The following MDGA2 variants were observed in gnomAD, a reference collection of about 807,000 sequenced individuals.
MDGA2 encodes the protein MAM domain containing glycosylphosphatidylinositol anchor 2, also known as MAM domain-containing glycosylphosphatidylinositol anchor protein 2.
Under a neutral mutation model 117.8 loss-of-function variants are expected in MDGA2, and 40 were observed. That is an observed-to-expected ratio of 0.34 (90% CI 0.26 to 0.44). MDGA2 has a LOEUF of 0.44. Ranked by LOEUF, MDGA2 falls within the 20% of genes least tolerant of loss-of-function variation. The pLI is 1.00. For missense variants in MDGA2, 1,123 were observed against 1,250.6 expected, an observed-to-expected ratio of 0.90 and a Z score of 1.54; for synonymous variants, 452 against 439.0, an observed-to-expected ratio of 1.03 and a Z score of -0.37.
chr14:46,935,812 G>A (rs573294414), intron 9 of MDGA2, among the ~76,000 whole-genome samples: 32 of 152,032 alleles, frequency 2.1e-4, no homozygotes, highest in Admixed American at 1.5e-3. Flanking sequence ...TGCAGGGATC[G>A]GTATGGCAGA....
chr14:47,133,972 T>A (rs1315821194), intron 4 of MDGA2, among the ~76,000 whole-genome samples: 1 of 152,068 alleles, frequency 6.6e-6, no homozygotes, highest in Non-Finnish European at 1.5e-5. Flanking sequence ...TAACCAATAT[T>A]TTTTTCAGCT....
At chr14:47,608,192 T>C (rs943504750) in intron 1 of MDGA2, among the ~76,000 whole-genome samples, 1 of 152,136 alleles carries the variant, frequency 6.6e-6, no homozygotes, top group African/African-American at 2.4e-5. Context: ...ATAGCATGTA[T>C]CATTTCTCAT....
chr14:47,206,407 A>G (rs951925772), intron 3 of MDGA2, among the ~76,000 whole-genome samples: 41 of 151,932 alleles, frequency 2.7e-4, no homozygotes, highest in Non-Finnish European at 3.4e-4. Context: ...CCTGGTTAAC[A>G]GAGTGAGACC....
At chr14:47,112,138 C>T (rs919976502) in intron 5 of MDGA2, among the ~76,000 whole-genome samples, 1 of 145,784 alleles carries the variant, frequency 6.9e-6, no homozygotes, top group African/African-American at 2.6e-5. Context: ...TAAAAAAAAG[C>T]GGGAGAGGAA....
At chr14:47,145,875 T>G (rs1289482288) in intron 3 of MDGA2, among the ~76,000 whole-genome samples, 2 of 152,166 alleles carry the variant, frequency 1.3e-5, no homozygotes, top group Non-Finnish European at 2.9e-5. Flanking sequence ...CTCCTATTGA[T>G]TCTATGCTGT....
chr14:47,238,309 A>G lies in MDGA2; in HGVS notation c.421-20114T>C, dbSNP rs1250785967. Among the ~76,000 whole-genome samples, 6 of 152,112 alleles carry G rather than the reference A, an allele frequency of 3.9e-5. No individual in the cohort carries two copies. The East Asian group carries it at 1.2e-3, about 29-fold the overall frequency. On this transcript the variant is annotated intron_variant, in intron 2 of 16. Coordinates refer to ENST00000399232, the MANE Select transcript of MDGA2 (RefSeq NM_001113498.3). ...TTTTTCCCTAAAAAATATAACTTTC[A>G]TGTGGGCTGAGATTGTGTAGATCTT...
chr14:47,254,417 GAGCAAAATGCCACC>G (rs1339489581), intron 2 of MDGA2, among the ~76,000 whole-genome samples: 1 of 152,200 alleles, frequency 6.6e-6, no homozygotes, highest in African/African-American at 2.4e-5. Flanking sequence ...TCTAGGGCAG[GAGCAAAATGCCACC>G]AGTTTCTTTG....
At position 47,470,928 on chromosome 14, in the gene MDGA2, T is replaced by C. The variant is rs139256672; in HGVS notation, c.281-169378A>G. On this transcript the variant is annotated intron_variant, in intron 1 of 16. Transcript: ENST00000399232. ...AAGTTTATAGGAAATTATCAGGGAG[T>C]GAATTTACATATTATGATTTACCAG... Among the ~76,000 whole-genome samples the C allele has an allele frequency of 2.4e-3, 361 of 152,156 alleles. 1 individual carries two copies. Among genetic ancestry groups the C allele is most frequent in the Non-Finnish European group, 3.2e-3 (216 of 68,014 alleles).
intron 1 of MDGA2, among the ~76,000 whole-genome samples, chr14:47,638,864 G>A (rs931100907): frequency 6.6e-6 from 1 of 152,088 alleles, no homozygotes; most frequent in Non-Finnish European, 1.5e-5. Flanking sequence ...AAATGGTCAA[G>A]CCTCACACAA....
chr14:47,290,956 T>C (rs928434160), intron 2 of MDGA2, among the ~76,000 whole-genome samples: 5 of 152,124 alleles, frequency 3.3e-5, no homozygotes, highest in African/African-American at 9.7e-5. Context: ...AAACCTACTT[T>C]TAATTAACCA....
intron 3 of MDGA2, among the ~76,000 whole-genome samples, chr14:47,169,378 CAT>C (rs988153001): frequency 6.6e-6 from 1 of 151,470 alleles, no homozygotes; most frequent in South Asian, 2.1e-4. Flanking sequence ...GTTACCTTTT[CAT>C]ATATATATGT....
At chr14:47,171,445 C>T (rs555485289) in intron 3 of MDGA2, among the ~76,000 whole-genome samples, 1 of 152,240 alleles carries the variant, frequency 6.6e-6, no homozygotes, top group African/African-American at 2.4e-5. Context: ...GGAAGAAAAA[C>T]TAACCAAGGA....
chr14:47,630,345 TTGAGTA>T (rs1162879544), intron 1 of MDGA2, among the ~76,000 whole-genome samples: 1 of 152,174 alleles, frequency 6.6e-6, no homozygotes, highest in Non-Finnish European at 1.5e-5. Context: ...AGCTTGTAAT[TTGAGTA>T]TATATGTATG....
At chr14:47,609,098 G>A (rs1896792090) in intron 1 of MDGA2, among the ~76,000 whole-genome samples, 1 of 151,408 alleles carries the variant, frequency 6.6e-6, no homozygotes, top group African/African-American at 2.4e-5. Flanking sequence ...GGGTGCAGGT[G>A]GTATTTGGTT....
At chr14:47,054,642 T>C (rs972061141) in intron 7 of MDGA2, among the ~76,000 whole-genome samples, 1 of 151,734 alleles carries the variant, frequency 6.6e-6, no homozygotes, top group Non-Finnish European at 1.5e-5. Context: ...ATGGTACTGG[T>C]ACCAAAACAG....
At chr14:46,971,322 A>C (rs1886254665) in intron 8 of MDGA2, among the ~76,000 whole-genome samples, 3 of 152,204 alleles carry the variant, frequency 2.0e-5, no homozygotes, top group Admixed American at 2.0e-4. Flanking sequence ...CTATGTGTCC[A>C]CCAATGGATG....
At chr14:47,116,891 C>A (rs1881358053) in intron 5 of MDGA2, among the ~76,000 whole-genome samples, 1 of 149,574 alleles carries the variant, frequency 6.7e-6, no homozygotes, top group Non-Finnish European at 1.5e-5. Context: ...TAGAAAACAA[C>A]AACAAAAATA....
chr14:46,873,941 A>T, intron 13 of MDGA2, 104 bp downstream of exon 13: 1 of 1,026,004 alleles, frequency 9.7e-7, no homozygotes, highest in Non-Finnish European at 1.4e-6. Flanking sequence ...TTAATATTTT[A>T]TTCCATAATC....
At chr14:47,445,938 C>T (rs1467955639) in intron 1 of MDGA2, among the ~76,000 whole-genome samples, 4 of 152,094 alleles carry the variant, frequency 2.6e-5, no homozygotes, top group Non-Finnish European at 4.4e-5. Flanking sequence ...AACAATGGAA[C>T]AAAATATAAT....
Sources: allele counts gnomAD v4.1 joint callset (sites outside exome capture counted in the v4.1 genomes callset), GRCh38; gene constraint gnomAD v4.1.1; transcripts MANE v1.5; gene names NCBI Gene and HGNC (gene_info 2026-07-23, HGNC 2026-07-21).